Variants in DIS3L2 observed in about 807,000 individuals in gnomAD.
The protein encoded by DIS3L2 is DIS3 like 3'-5' exoribonuclease 2.
A neutral mutation model predicts 97.5 loss-of-function variants in DIS3L2; 34 were observed. The ratio of observed to expected loss-of-function variants is 0.35; its 90% CI spans 0.27 to 0.46. The LOEUF (loss-of-function observed/expected upper bound fraction) is 0.46. Among genes scored for constraint, DIS3L2 ranks in the 20% least tolerant of loss-of-function variants. The pLI is 1.00. For missense variants in DIS3L2, 1,038 were observed against 1,146.0 expected, an observed-to-expected ratio of 0.91 and a Z score of 1.36; for synonymous variants, 435 against 445.2, an observed-to-expected ratio of 0.98 and a Z score of 0.29.
At chr2:232,089,381 T>A (rs890318466) in intron 6 of DIS3L2, among the ~76,000 whole-genome samples, 3 of 152,362 alleles carry the variant, frequency 2.0e-5, no homozygotes, top group Non-Finnish European at 4.4e-5. Context: ...CTCAGCCAGT[T>A]CCTTTTGGAT....
At chr2:232,324,342 T>C (rs968421754) in intron 14 of DIS3L2, among the ~76,000 whole-genome samples, 84 of 152,332 alleles carry the variant, frequency 5.5e-4, no homozygotes, top group African/African-American at 1.9e-3. Flanking sequence ...CAAGAGCTAA[T>C]TGAACAAGCT....
intron 13 of DIS3L2, among the ~76,000 whole-genome samples, chr2:232,271,025 T>C (rs973361157): frequency 6.6e-6 from 1 of 152,200 alleles, no homozygotes; most frequent in Admixed American, 6.5e-5. Context: ...TTTATTTTCA[T>C]GAGCTCCTCT....
At chr2:232,342,948 C>A (rs998241188) in intron 13 of DIS3L2, among the ~76,000 whole-genome samples, 2 of 151,146 alleles carry the variant, frequency 1.3e-5, no homozygotes, top group Non-Finnish European at 2.9e-5. Context: ...AAGAGGTGTT[C>A]ATGGGTCGAA....
intron 5 of DIS3L2, among the ~76,000 whole-genome samples, chr2:232,058,572 C>G (rs1695611705): frequency 6.6e-6 from 1 of 152,164 alleles, no homozygotes. Context: ...TGGGATGTCA[C>G]TGTCACCAAT....
chr2:232,064,884 T>C (rs572249545), intron 5 of DIS3L2, among the ~76,000 whole-genome samples: 1 of 152,326 alleles, frequency 6.6e-6, no homozygotes, highest in African/African-American at 2.4e-5. Flanking sequence ...TTTTTGGCTT[T>C]CATTTTAATG....
At chr2:232,267,863 T>G (rs1338149524) in intron 13 of DIS3L2, among the ~76,000 whole-genome samples, 2 of 152,226 alleles carry the variant, frequency 1.3e-5, no homozygotes, top group African/African-American at 4.8e-5. Context: ...GGCCTCAGGC[T>G]TCTTAGCCAT....
intron 5 of DIS3L2, among the ~76,000 whole-genome samples, chr2:232,039,929 T>C (rs1389157800): frequency 1.3e-5 from 2 of 152,206 alleles, no homozygotes; most frequent in Non-Finnish European, 2.9e-5. Flanking sequence ...CAGTGGCTTC[T>C]CATCTACCAT....
At chr2:231,972,457 C>T (rs1559504936) in intron 1 of DIS3L2, among the ~76,000 whole-genome samples, 1 of 152,198 alleles carries the variant, frequency 6.6e-6, no homozygotes, top group African/African-American at 2.4e-5. Context: ...TTTTCAGCTT[C>T]CCTATAATCT....
intron 1 of DIS3L2, among the ~76,000 whole-genome samples, chr2:231,996,933 G>A (rs1693747816): frequency 6.6e-6 from 1 of 152,122 alleles, no homozygotes; most frequent in Non-Finnish European, 1.5e-5. Flanking sequence ...CTCAATAAAG[G>A]CTTTCCTGAT....
intron 6 of DIS3L2, among the ~76,000 whole-genome samples, chr2:232,102,458 A>G (rs1360524682): frequency 6.6e-6 from 1 of 152,192 alleles, no homozygotes; most frequent in Non-Finnish European, 1.5e-5. Flanking sequence ...TTGCAGAGAT[A>G]TAGGAGAATG....
At chr2:232,282,999 G>T (rs1324871427) in intron 13 of DIS3L2, among the ~76,000 whole-genome samples, 1 of 152,126 alleles carries the variant, frequency 6.6e-6, no homozygotes, top group Non-Finnish European at 1.5e-5. Flanking sequence ...TCATTTAAGG[G>T]CTGGCATGGT....
At chr2:232,114,956 G>A (rs2106335509) in intron 6 of DIS3L2, among the ~76,000 whole-genome samples, 1 of 152,312 alleles carries the variant, frequency 6.6e-6, no homozygotes, top group South Asian at 2.1e-4. Context: ...GGGACTCTCT[G>A]CAGAGTCCCT....
intron 6 of DIS3L2, among the ~76,000 whole-genome samples, chr2:232,114,194 G>C (rs1213553346): frequency 6.6e-6 from 1 of 152,022 alleles, no homozygotes. Flanking sequence ...GTAATAATAA[G>C]ACTCCCGTCC....
chr2:232,200,060 T>G (rs1691849008), intron 9 of DIS3L2, among the ~76,000 whole-genome samples: 1 of 152,002 alleles, frequency 6.6e-6, no homozygotes, highest in Non-Finnish European at 1.5e-5. Context: ...ACTTAATAGG[T>G]TTGTTGTTGT....
intron 6 of DIS3L2, among the ~76,000 whole-genome samples, chr2:232,126,309 A>G (rs1455407379): frequency 6.6e-6 from 1 of 152,248 alleles, no homozygotes; most frequent in Non-Finnish European, 1.5e-5. Context: ...TCCGTAGAGA[A>G]TAGCATTAAA....
chr2:232,310,796 A>G (rs1278590207), intron 14 of DIS3L2, among the ~76,000 whole-genome samples: 1 of 152,230 alleles, frequency 6.6e-6, no homozygotes, highest in East Asian at 1.9e-4. Flanking sequence ...AGTGGCACTG[A>G]GTTGCCCATG....
intron 9 of DIS3L2, among the ~76,000 whole-genome samples, chr2:232,184,700 G>A (rs56326330): frequency 0.012 from 1,821 of 152,234 alleles, 17 homozygotes; most frequent in Non-Finnish European, 0.018. Context: ...TAATTGTGTG[G>A]GCAAATTATT....
At chr2:232,278,808 A>T (rs1694211715) in intron 13 of DIS3L2, among the ~76,000 whole-genome samples, 1 of 152,004 alleles carries the variant, frequency 6.6e-6, no homozygotes, top group South Asian at 2.1e-4. Context: ...TTTCCATTTT[A>T]CTTGGGTAAA....
intron 8 of DIS3L2, among the ~76,000 whole-genome samples, chr2:232,153,492 T>G (rs1190043181): frequency 4.2e-5 from 1 of 23,874 alleles, no homozygotes; most frequent in Non-Finnish European, 9.4e-5. Context: ...AATTCTGGGT[T>G]GAAAATTCTT....
Sources: allele counts gnomAD v4.1 joint callset (sites outside exome capture counted in the v4.1 genomes callset), GRCh38; gene constraint gnomAD v4.1.1; transcripts MANE v1.5; gene names NCBI Gene and HGNC (gene_info 2026-07-23, HGNC 2026-07-21).